Variants in PRKCH observed in about 807,000 individuals in gnomAD.
PRKCH encodes protein kinase C eta, also known as protein kinase C eta type.
In PRKCH, 28 loss-of-function variants were observed where a neutral mutation model predicts 82.5. That is an observed-to-expected ratio of 0.34 (90% CI 0.25 to 0.47). PRKCH has a LOEUF of 0.47. PRKCH is among the 20% of genes least tolerant of loss of function. The probability of loss-of-function intolerance (pLI) is 1.00; values close to 1 mark genes in which losing one functional copy is unlikely to be tolerated. For synonymous variants in PRKCH, 322 were observed against 327.4 expected (o/e 0.98, Z 0.18); for missense variants, 705 against 881.8 (o/e 0.80, Z 2.54).
intron 2 of PRKCH, among the ~76,000 whole-genome samples, chr14:61,392,152 A>G (rs753179114): frequency 1.3e-5 from 2 of 148,842 alleles, no homozygotes; most frequent in Non-Finnish European, 3.0e-5. Context: ...TTGTTTACCC[A>G]TTCTCCTCTT....
At chr14:61,290,240 C>T (rs533505168) in intron 1 of PRKCH, among the ~76,000 whole-genome samples, 14 of 150,068 alleles carry the variant, frequency 9.3e-5, no homozygotes, top group South Asian at 2.1e-4. Context: ...TGCAGTGAGC[C>T]AAGATCACAC....
intron 9 of PRKCH, among the ~76,000 whole-genome samples, chr14:61,465,028 C>G (rs1183547444): frequency 6.6e-6 from 1 of 152,158 alleles, no homozygotes; most frequent in Non-Finnish European, 1.5e-5. Flanking sequence ...TGTATGTCTT[C>G]TTTTGAGAAA....
At chr14:61,413,418 C>CCCCCCT (rs1226453137) in intron 2 of PRKCH, among the ~76,000 whole-genome samples, 1 of 105,670 alleles carries the variant, frequency 9.5e-6, no homozygotes, top group Non-Finnish European at 2.0e-5. Context: ...CCCCCCGCCC[C>CCCCCCT]GCCCATGTAC....
chr14:61,296,653 T>A (rs2045408544), intron 1 of PRKCH, among the ~76,000 whole-genome samples: 2 of 152,226 alleles, frequency 1.3e-5, no homozygotes, highest in African/African-American at 4.8e-5. Context: ...GGCCATCTGC[T>A]AAACTTGTAG....
chr14:61,338,507 A>G (rs1186975176), intron 1 of PRKCH, among the ~76,000 whole-genome samples: 1 of 152,184 alleles, frequency 6.6e-6, no homozygotes, highest in East Asian at 1.9e-4. Context: ...TTCCTCAAAC[A>G]AAATGTTAAC....
chr14:61,208,634 C>T (rs961182089), intron 1 of PRKCH, among the ~76,000 whole-genome samples: 8 of 152,110 alleles, frequency 5.3e-5, no homozygotes, highest in African/African-American at 1.4e-4. Context: ...TCCTGAAGAG[C>T]GCGTCTTTAA....
intron 2 of PRKCH, among the ~76,000 whole-genome samples, chr14:61,427,226 A>G (rs4902057): frequency 0.69 from 105,185 of 151,764 alleles, 36,634 homozygotes; most frequent in East Asian, 0.73. Context: ...ATTGGCAGTT[A>G]GTTGAAAGGA....
intron 11 of PRKCH, 137 bp downstream of exon 11, chr14:61,529,350 C>A: frequency 1.0e-6 from 1 of 957,526 alleles, no homozygotes. Context: ...CCTCTAGACT[C>A]ATTTATGGCT....
intron 1 of PRKCH, among the ~76,000 whole-genome samples, chr14:61,189,899 C>T (rs1428022906): frequency 1.3e-5 from 2 of 152,108 alleles, no homozygotes; most frequent in South Asian, 2.1e-4. Context: ...ATGGTACTAC[C>T]AGTTTTCTAC....
At chr14:61,367,363 T>TGC (rs1432683434) in intron 1 of PRKCH, among the ~76,000 whole-genome samples, 2 of 147,552 alleles carry the variant, frequency 1.4e-5, no homozygotes, top group Non-Finnish European at 3.0e-5. Context: ...TGTGTGTATG[T>TGC]GTGTGTGTGT....
At chr14:61,449,469 G>T (rs1363809332) in intron 5 of PRKCH, among the ~76,000 whole-genome samples, 2 of 151,728 alleles carry the variant, frequency 1.3e-5, no homozygotes, top group African/African-American at 4.8e-5. Flanking sequence ...TTAAATTATG[G>T]CATTTATATT....
chr14:61,218,436 TAAG>T (rs1181322052), intron 1 of PRKCH, among the ~76,000 whole-genome samples: 1 of 152,214 alleles, frequency 6.6e-6, no homozygotes, highest in Non-Finnish European at 1.5e-5. Flanking sequence ...ATTGTTGGGA[TAAG>T]AAGCTTTGGT....
intron 1 of PRKCH, among the ~76,000 whole-genome samples, chr14:61,229,365 A>G (rs2044722965): frequency 6.6e-6 from 1 of 152,204 alleles, no homozygotes; most frequent in African/African-American, 2.4e-5. Context: ...CTTGGGGTAA[A>G]AAAGGCAAGA....
chr14:61,489,814 G>A (rs1290609240), intron 10 of PRKCH, among the ~76,000 whole-genome samples: 1 of 152,222 alleles, frequency 6.6e-6, no homozygotes, highest in East Asian at 1.9e-4. Flanking sequence ...AAAGGGGCAT[G>A]CATCCCATTG....
intron 1 of PRKCH, among the ~76,000 whole-genome samples, chr14:61,273,175 T>C (rs2045173333): frequency 6.6e-6 from 1 of 152,204 alleles, no homozygotes; most frequent in African/African-American, 2.4e-5. Flanking sequence ...ACATAATTCA[T>C]TCATAGCTAC....
intron 9 of PRKCH, among the ~76,000 whole-genome samples, chr14:61,462,769 T>C (rs1398234179): frequency 6.6e-6 from 1 of 151,796 alleles, no homozygotes; most frequent in Non-Finnish European, 1.5e-5. Context: ...AGAGGGGGTG[T>C]TGGAGCCACT....
In PRKCH at chr14:61,362,498, A is replaced by G. The variant is rs558741642; in HGVS notation, c.364-28727A>G. Among the ~76,000 whole-genome samples, 34 of 152,346 alleles carry G rather than the reference A, an allele frequency of 2.2e-4. No homozygotes were observed. The South Asian group carries it at 6.4e-3, about 29-fold the overall frequency. ...TACTGATTACAGTGCAGTCTGAGTA[A>G]TAACAAATCCATCATCCAGAGAGTT... is the stretch of plus-strand genomic sequence containing the variant. On this transcript the variant is annotated intron_variant, in intron 1 of 13. Coordinates refer to ENST00000332981, the MANE Select transcript of PRKCH (RefSeq NM_006255.5).
At chr14:61,392,570 C>T (rs940132432) in intron 2 of PRKCH, among the ~76,000 whole-genome samples, 1 of 151,996 alleles carries the variant, frequency 6.6e-6, no homozygotes, top group Non-Finnish European at 1.5e-5. Context: ...AGTCTTTTGT[C>T]CTGTTTTCTA....
chr14:61,256,255 A>T (rs1168521308), intron 1 of PRKCH, among the ~76,000 whole-genome samples: 2 of 152,234 alleles, frequency 1.3e-5, no homozygotes, highest in South Asian at 2.1e-4. Context: ...CTCCCAAATG[A>T]ATCATACAAA....
Sources: gnomAD v4.1 joint callset for allele counts (sites outside exome capture counted in the v4.1 genomes callset) on GRCh38, gnomAD v4.1.1 for gene constraint, MANE v1.5 for transcripts, NCBI Gene and HGNC (gene_info 2026-07-23, HGNC 2026-07-21) for gene names.